The following ANO10 variants were observed in gnomAD, a reference collection of about 807,000 sequenced individuals.
ANO10 encodes anoctamin 10.
ANO10 carries 77 observed loss-of-function variants against 74.7 expected under a neutral mutation model. The ratio of observed to expected loss-of-function variants is 1.03; its 90% confidence interval spans 0.86 to 1.25. The LOEUF (loss-of-function observed/expected upper bound fraction) is 1.25, where lower values mean the gene tolerates loss of function less well. Ranked by LOEUF, ANO10 falls within the 50% of genes most tolerant of loss-of-function variation. ANO10 has a pLI of 0.00. For synonymous variants in ANO10, 279 were observed against 284.9 expected (o/e 0.98, Z 0.21); for missense variants, 721 against 778.1 (o/e 0.93, Z 0.87).
chr3:43,661,555 A>T (rs950646014), intron 1 of ANO10, among the ~76,000 whole-genome samples: 3 of 152,200 alleles, frequency 2.0e-5, no homozygotes, highest in Non-Finnish European at 4.4e-5. Flanking sequence ...ACACATAACA[A>T]TATTAACCTT....
intron 11 of ANO10, among the ~76,000 whole-genome samples, chr3:43,440,018 T>G (rs1230215342): frequency 1.3e-5 from 2 of 151,352 alleles, no homozygotes; most frequent in African/African-American, 4.9e-5. Context: ...CCATGATAAC[T>G]ACAAAGAAAA....
At chr3:43,565,977 C>T (rs1227910892) in intron 7 of ANO10, among the ~76,000 whole-genome samples, 6 of 152,172 alleles carry the variant, frequency 3.9e-5, no homozygotes, top group Admixed American at 1.3e-4. Context: ...AGTGGGTGCG[C>T]GCACCGTGTG....
At chr3:43,531,039 C>T (rs1156319167) in intron 11 of ANO10, among the ~76,000 whole-genome samples, 1 of 152,078 alleles carries the variant, frequency 6.6e-6, no homozygotes, top group Non-Finnish European at 1.5e-5. Flanking sequence ...TGTAAAAGGC[C>T]AAACTTGGGT....
At chr3:43,691,205 C>G in intron 1 of ANO10, 1 of 588,390 alleles carries the variant, frequency 1.7e-6, no homozygotes, top group East Asian at 3.6e-5. Context: ...CAGAGGCGTC[C>G]CGGCGCCGCT....
At chr3:43,489,770 T>C (rs2076647264) in intron 11 of ANO10, among the ~76,000 whole-genome samples, 1 of 152,078 alleles carries the variant, frequency 6.6e-6, no homozygotes, top group Non-Finnish European at 1.5e-5. Context: ...GCTAGAAGAC[T>C]AGTTTGCTAC....
chr3:43,405,158 G>A (rs1016650340), intron 12 of ANO10, among the ~76,000 whole-genome samples: 1 of 152,146 alleles, frequency 6.6e-6, no homozygotes, highest in Non-Finnish European at 1.5e-5. Flanking sequence ...CCTGTGTGTT[G>A]CCTAGCTTTT....
At chr3:43,378,777 G>GT (rs1026388225) in intron 12 of ANO10, among the ~76,000 whole-genome samples, 5 of 152,250 alleles carry the variant, frequency 3.3e-5, no homozygotes, top group African/African-American at 1.2e-4. Flanking sequence ...TAGAGCCTGG[G>GT]TAAAGCTGGA....
intron 11 of ANO10, among the ~76,000 whole-genome samples, chr3:43,489,903 A>G (rs373494908): frequency 6.6e-6 from 1 of 152,156 alleles, no homozygotes; most frequent in African/African-American, 2.4e-5. Flanking sequence ...ATCAACAACT[A>G]TCTAAACATT....
chr3:43,536,900 A>T (rs1036078991), intron 11 of ANO10, among the ~76,000 whole-genome samples: 1 of 151,078 alleles, frequency 6.6e-6, no homozygotes, highest in Non-Finnish European at 1.5e-5. Context: ...TAAATAGAAA[A>T]TCACTCATCT....
intron 1 of ANO10, among the ~76,000 whole-genome samples, chr3:43,667,492 G>C (rs1026152357): frequency 6.6e-6 from 1 of 151,924 alleles, no homozygotes; most frequent in African/African-American, 2.4e-5. Context: ...TCTTACATAG[G>C]TAAGTTCTTT....
At position 43,628,817 on chromosome 3, in the gene ANO10, T is replaced by C. The variant is rs1487478311; in HGVS notation, c.-11-22954A>G. 3.3e-5 allele frequency among the ~76,000 whole-genome samples: 5 copies of C among 152,164 alleles called. No individual in the cohort carries two copies. In the East Asian group the frequency reaches 9.6e-4, roughly 29 times the overall value. The stretch of plus-strand genomic sequence containing the variant: ...TCATTTGGAAGAGGAAATTCCCACC[T>C]AATAAATTTTGGTCAGACCGGTTGC... On this transcript the variant is annotated intron_variant, in intron 1 of 3. Transcript: ENST00000413397.
chr3:43,689,281 G>A (rs1275804403), intron 1 of ANO10: 1 of 152,198 alleles, frequency 6.6e-6, no homozygotes. Flanking sequence ...AACAACCTTA[G>A]TCTGGGAGGG....
chr3:43,519,755 C>CA (rs2077869759), intron 11 of ANO10, among the ~76,000 whole-genome samples: 1 of 152,142 alleles, frequency 6.6e-6, no homozygotes, highest in Admixed American at 6.5e-5. Flanking sequence ...TGCTGATACA[C>CA]AGGTAGGTTA....
At chr3:43,475,579 G>GT (rs2076035272) in intron 11 of ANO10, among the ~76,000 whole-genome samples, 1 of 152,062 alleles carries the variant, frequency 6.6e-6, no homozygotes, top group East Asian at 1.9e-4. Context: ...TCACAAATTT[G>GT]TGGGGGGGGT....
At chr3:43,390,557 A>G (rs111894174) in intron 12 of ANO10, among the ~76,000 whole-genome samples, 2,279 of 152,300 alleles carry the variant, frequency 0.015, 64 homozygotes, top group African/African-American at 0.052. Context: ...CAGGTGCTCC[A>G]TTCTGTGGTC....
At chr3:43,455,918 A>C (rs567705831) in intron 11 of ANO10, among the ~76,000 whole-genome samples, 1 of 152,322 alleles carries the variant, frequency 6.6e-6, no homozygotes, top group African/African-American at 2.4e-5. Context: ...CAGCACTGCT[A>C]TTCTACAGCA....
intron 12 of ANO10, among the ~76,000 whole-genome samples, chr3:43,423,118 G>T (rs201643099): frequency 7.3e-6 from 1 of 137,488 alleles, no homozygotes; most frequent in Non-Finnish European, 1.6e-5. Context: ...ATTTTTTTTG[G>T]AAAAAAAAAA....
intron 1 of ANO10, among the ~76,000 whole-genome samples, chr3:43,668,107 C>G (rs2084014082): frequency 6.6e-6 from 1 of 152,078 alleles, no homozygotes; most frequent in Admixed American, 6.6e-5. Context: ...TGTTTTTTGA[C>G]TTTTTTATTA....
In ANO10 at chr3:43,608,640, G is replaced by A. The variant is rs535688661; in HGVS notation, c.-11-2777C>T. Among the ~76,000 whole-genome samples the A allele has an allele frequency of 5.9e-5, 9 of 152,214 alleles. No homozygotes were observed. In the South Asian group the frequency reaches 8.3e-4, roughly 14 times the overall value. On this transcript the variant is annotated intron_variant, in intron 1 of 12. Transcript: ENST00000292246. ...CACCCAGGCTAGTCTGGAGTACAGC[G>A]GTGTGATCGTGGCTCACTGCAGCCT...
Sources: allele counts gnomAD v4.1 joint callset (sites outside exome capture counted in the v4.1 genomes callset), GRCh38; gene constraint gnomAD v4.1.1; transcripts MANE v1.5; gene names NCBI Gene and HGNC (gene_info 2026-07-23, HGNC 2026-07-21).